The following PHRF1 variants were observed in gnomAD, a reference collection of about 807,000 sequenced individuals.
The protein encoded by PHRF1 is PHD and ring finger domains 1.
A neutral mutation model predicts 128.9 loss-of-function variants in PHRF1; 53 were observed. The observed-to-expected ratio is 0.41, with a 90% CI of 0.33 to 0.52. The LOEUF is 0.52. Among genes scored for constraint, PHRF1 ranks in the 20% least tolerant of loss-of-function variants. PHRF1 has a pLI of 0.21. For missense variants in PHRF1, 2,503 were observed against 2,284.5 expected (o/e 1.10, Z -1.95); for synonymous variants, 1,178 against 980.6 (o/e 1.20, Z -3.76).
In PHRF1 at chr11:609,574, C is replaced by A; in HGVS notation, c.4118C>A (p.Ser1373Tyr). The A allele has an allele frequency of 6.3e-7, 1 of 1,598,694 alleles. No individual in the cohort carries two copies. The change falls in exon 14 of 18, where the codon TCT (serine) becomes TAT (tyrosine). Residue 1373 changes from serine (S) to tyrosine (Y), a missense_variant. Physicochemically the swap from Ser to Tyr is moderately radical, Grantham distance 144 (BLOSUM62 -2). Coordinates refer to ENST00000264555, the MANE Select transcript of PHRF1 (RefSeq NM_001286581.2). ...CCTGCGGGGAAGGAAGACAGCCCCT[C>A]TGCGAGTGGGAGGGTACAGGAGGCA... ...VAPAGKEDSPSASGRVQEAAR... is the reference protein window; with the variant it reads ...VAPAGKEDSPYASGRVQEAAR...
At chr11:601,335 A>G (rs2133026536) in intron 9 of PHRF1, among the ~76,000 whole-genome samples, 1 of 152,040 alleles carries the variant, frequency 6.6e-6, no homozygotes, top group Non-Finnish European at 1.5e-5. Flanking sequence ...AGGCTGAGGC[A>G]GGAGAATCAC....
chr11:598,231 G>A (rs1855412509), intron 8 of PHRF1, 142 bp from the exon 9 acceptor site: 59 of 1,235,250 alleles, frequency 4.8e-5, no homozygotes, highest in South Asian at 6.4e-5. Context: ...AGGCCGGGCC[G>A]TGGCTGCTGC....
At chr11:605,029 G>T in intron 10 of PHRF1, 90 bp from the exon 11 acceptor site, 1 of 1,308,236 alleles carries the variant, frequency 7.6e-7, no homozygotes, top group Non-Finnish European at 1.0e-6. Context: ...GTTCACTGTT[G>T]CTGATGAAGG....
chr11:610,055 C>A (rs1265131727), intron 14 of PHRF1, 141 bp from the exon 15 acceptor site: 1 of 1,142,866 alleles, frequency 8.7e-7, no homozygotes, highest in Non-Finnish European at 1.2e-6. Flanking sequence ...CTCGCAACCT[C>A]CCCTTGGTGC....
intron 3 of PHRF1, among the ~76,000 whole-genome samples, chr11:584,711 T>C (rs1051761611): frequency 1.3e-5 from 2 of 151,578 alleles, no homozygotes; most frequent in African/African-American, 4.8e-5. Flanking sequence ...TGAACACTTC[T>C]TTTTATTTCT....
At position 581,411 on chromosome 11, in the gene PHRF1, G is replaced by T. The variant is rs1401544855; in HGVS notation, c.-21-81G>T. 4.2e-6 allele frequency: 5 copies of T among 1,193,636 alleles called. No homozygotes were observed. The Admixed American group carries it at 1.1e-4, about 27-fold the overall frequency. 73.9% of individuals were successfully genotyped at this position (1,193,636 alleles called of 1,614,324 possible). ...TGGATGTGACACGGGGATGTGGCCT[G>T]TGGGGAGAGGTCATAACTCTTCAGA... is the stretch of plus-strand genomic sequence containing the variant. On this transcript the variant is annotated intron_variant, in intron 1 of 17. Coordinates refer to ENST00000264555, the MANE Select transcript of PHRF1 (RefSeq NM_001286581.2).
chr11:589,662 T>G (rs548682646), intron 4 of PHRF1, among the ~76,000 whole-genome samples: 2 of 152,192 alleles, frequency 1.3e-5, no homozygotes, highest in Non-Finnish European at 2.9e-5. Flanking sequence ...GATCTCGGAC[T>G]AGAAAGCAAA....
Position 581,592 on chromosome 11 carries a change from C to T in PHRF1, c.80C>T (p.Pro27Leu), listed in dbSNP as rs1038202989. The change falls in exon 2 of 18, where the codon CCG (proline) becomes CTG (leucine). Residue 27 changes from proline (P) to leucine (L), a missense_variant. Pro to Leu is a moderately conservative substitution (Grantham distance 98). Coordinates refer to ENST00000264555, the MANE Select transcript of PHRF1 (RefSeq NM_001286581.2). ...CACCCACAGGTCGGCCCTGCGGACC[C>T]GGCAGGTGACTTTGGTGAGCTGCCT... is the stretch of plus-strand genomic sequence containing the variant. ...DGHPQVGPAD[P>L]AGDFEESSVG... 2.1e-5 allele frequency: 34 copies of T among 1,612,588 alleles called. No individual in the cohort carries two copies. Among genetic ancestry groups the T allele is most frequent in the East Asian group, 8.9e-5 (4 of 44,868 alleles).
At chr11:582,528 C>G (rs1289791924) in intron 3 of PHRF1, among the ~76,000 whole-genome samples, 1 of 150,204 alleles carries the variant, frequency 6.7e-6, no homozygotes, top group Admixed American at 6.6e-5. Flanking sequence ...TGTAGTCCTC[C>G]TTTTTTTTCT....
chr11:584,893 A>G (rs923939556), intron 3 of PHRF1, among the ~76,000 whole-genome samples: 5 of 151,786 alleles, frequency 3.3e-5, no homozygotes, highest in African/African-American at 9.7e-5. Flanking sequence ...GCGCACCACC[A>G]TGCCTGGGTA....
chr11:593,737 T>C (rs1855119145), intron 6 of PHRF1, among the ~76,000 whole-genome samples: 1 of 152,190 alleles, frequency 6.6e-6, no homozygotes. Context: ...GGCCTTGCAG[T>C]GCGCTCCGCC....
chr11:577,361 C>T (rs1853932922), intron 1 of PHRF1, among the ~76,000 whole-genome samples: 1 of 152,228 alleles, frequency 6.6e-6, no homozygotes, highest in African/African-American at 2.4e-5. Flanking sequence ...GTTTCGACAA[C>T]AGCAGAACAG....
At chr11:577,331 G>T (rs1043968222) in intron 1 of PHRF1, among the ~76,000 whole-genome samples, 14 of 152,220 alleles carry the variant, frequency 9.2e-5, no homozygotes, top group Non-Finnish European at 2.1e-4. Context: ...CCCCTTCTTC[G>T]GAGTTTATGT....
At chr11:580,437 G>T (rs995829050) in intron 1 of PHRF1, among the ~76,000 whole-genome samples, 9 of 152,132 alleles carry the variant, frequency 5.9e-5, no homozygotes, top group African/African-American at 2.2e-4. Flanking sequence ...CTTGGGAGCC[G>T]AGGGGTGGGC....
At chr11:592,417 T>G in intron 5 of PHRF1, 142 bp from the exon 6 acceptor site, 1 of 760,038 alleles carries the variant, frequency 1.3e-6, no homozygotes, top group Non-Finnish European at 2.4e-6. Flanking sequence ...TGTGTACACG[T>G]GGAGGGAGAC....
chr11:588,567 C>G (rs1854730322), intron 4 of PHRF1, among the ~76,000 whole-genome samples: 1 of 152,038 alleles, frequency 6.6e-6, no homozygotes, highest in South Asian at 2.1e-4. Context: ...TTAGTAGAGA[C>G]AGGGTTTCAC....
chr11:598,486 A>T lies in PHRF1; in HGVS notation c.1008A>T (p.Arg336=), dbSNP rs1855435102. The T allele has an allele frequency of 6.2e-7, 1 of 1,609,184 alleles. No homozygotes were observed. The highest frequency in any genetic ancestry group is 8.5e-7 in the Non-Finnish European group (1 of 1,179,360). Residue 336 remains arginine (R), a synonymous_variant, in exon 9 of 18, where the codon CGA becomes CGT. Transcript: ENST00000264555. The stretch of plus-strand genomic sequence containing the variant: ...CCCTGACGCCGCGCACTCCCGCCCG[A>T]CGGAAGAGGAAGACAAGTAAGCCTG... The part of the protein sequence containing the change: ...QRPLTPRTPA[R]RKRKTRRRKK...
At chr11:601,770 G>T in intron 10 of PHRF1, 69 bp downstream of exon 10, 1 of 1,590,988 alleles carries the variant, frequency 6.3e-7, no homozygotes, top group Non-Finnish European at 8.6e-7. Flanking sequence ...ACGGAGCAGG[G>T]CCTAAGCCTC....
chr11:582,713 A>C (rs889551198), intron 3 of PHRF1, among the ~76,000 whole-genome samples: 2 of 150,868 alleles, frequency 1.3e-5, no homozygotes, highest in African/African-American at 2.4e-5. Flanking sequence ...TTTAGTAGAG[A>C]TGGGGTTTCA....
Sources: gnomAD v4.1 joint callset for allele counts (sites outside exome capture counted in the v4.1 genomes callset) on GRCh38, gnomAD v4.1.1 for gene constraint, MANE v1.5 for transcripts, NCBI Gene and HGNC (gene_info 2026-07-23, HGNC 2026-07-21) for gene names.